Variants in SGCZ observed in about 807,000 individuals in gnomAD.
SGCZ encodes sarcoglycan zeta, also known as zeta-sarcoglycan.
In SGCZ, 40 loss-of-function variants were observed where a neutral mutation model predicts 41.3. The ratio of observed to expected loss-of-function variants is 0.97; its 90% confidence interval spans 0.75 to 1.26. The LOEUF (loss-of-function observed/expected upper bound fraction) is 1.26. SGCZ is among the 50% of genes most tolerant of loss of function. SGCZ has a pLI of 0.00. For missense variants in SGCZ, 552 were observed against 369.8 expected, an observed-to-expected ratio of 1.49 and a Z score of -4.04; for synonymous variants, 206 against 137.5, an observed-to-expected ratio of 1.50 and a Z score of -3.49.
At chr8:14,561,023 G>C (rs905728118) in intron 1 of SGCZ, among the ~76,000 whole-genome samples, 1 of 152,044 alleles carries the variant, frequency 6.6e-6, no homozygotes, top group Admixed American at 6.6e-5. Context: ...GAAAAGGTTA[G>C]ACTTTTCTTT....
chr8:14,618,555 G>C (rs1477674485), intron 1 of SGCZ, among the ~76,000 whole-genome samples: 1 of 152,158 alleles, frequency 6.6e-6, no homozygotes, highest in African/African-American at 2.4e-5. Flanking sequence ...AACAAGAGTG[G>C]AAATAGGTCA....
rs145149794 is a variant in SGCZ, at chr8:14,390,841, T to C, written c.235-66637A>G. 1.6e-3 allele frequency among the ~76,000 whole-genome samples: 247 copies of C among 152,136 alleles called. 2 individuals carry two copies. Among genetic ancestry groups the C allele is most frequent in the African/African-American group, 5.2e-3 (215 of 41,546 alleles). On this transcript the variant is annotated intron_variant, in intron 2 of 7. Coordinates refer to ENST00000382080, the MANE Select transcript of SGCZ (RefSeq NM_139167.4). ...ATTTTTCTAGAAGATTATAGAGATATTGATTAACTTTAAATATTTTAAAAG... is the reference window on the plus strand; with the variant it reads ...ATTTTTCTAGAAGATTATAGAGATACTGATTAACTTTAAATATTTTAAAAG...
At chr8:14,533,961 C>T (rs897702038) in intron 2 of SGCZ, among the ~76,000 whole-genome samples, 1 of 151,860 alleles carries the variant, frequency 6.6e-6, no homozygotes, top group African/African-American at 2.4e-5. Context: ...AGAAAGACAG[C>T]TGAGAAGTGA....
At chr8:14,624,015 G>T (rs867577459) in intron 1 of SGCZ, among the ~76,000 whole-genome samples, 1 of 152,172 alleles carries the variant, frequency 6.6e-6, no homozygotes, top group Non-Finnish European at 1.5e-5. Flanking sequence ...AAGTCCTAAC[G>T]TAGTTTCTAG....
At chr8:14,466,124 G>C (rs910394679) in intron 2 of SGCZ, among the ~76,000 whole-genome samples, 2 of 151,836 alleles carry the variant, frequency 1.3e-5, no homozygotes, top group African/African-American at 4.8e-5. Context: ...AGAATCCCTT[G>C]AGCATTTCCT....
chr8:14,184,032 A>C (rs1392473737), intron 4 of SGCZ, among the ~76,000 whole-genome samples: 1 of 152,192 alleles, frequency 6.6e-6, no homozygotes, highest in African/African-American at 2.4e-5. Context: ...TAGAAAACGA[A>C]AGGTAAATGA....
chr8:14,730,589 G>A (rs1208962204), intron 1 of SGCZ, among the ~76,000 whole-genome samples: 1 of 148,780 alleles, frequency 6.7e-6, no homozygotes, highest in African/African-American at 2.5e-5. Flanking sequence ...TTTAATATTT[G>A]ATCTGCTAAC....
At chr8:14,732,923 G>A (rs1288840553) in intron 1 of SGCZ, among the ~76,000 whole-genome samples, 2 of 78,822 alleles carry the variant, frequency 2.5e-5, no homozygotes, top group African/African-American at 8.2e-5. Context: ...CATTTTCAAA[G>A]TATTACCTAC....
intron 1 of SGCZ, among the ~76,000 whole-genome samples, chr8:14,755,978 A>G (rs1799653239): frequency 6.6e-6 from 1 of 152,190 alleles, no homozygotes; most frequent in East Asian, 1.9e-4. Flanking sequence ...TGTAGTTCAT[A>G]GGAAATTACC....
intron 2 of SGCZ, among the ~76,000 whole-genome samples, chr8:14,347,991 C>T (rs961098185): frequency 1.3e-5 from 2 of 152,080 alleles, no homozygotes; most frequent in Non-Finnish European, 2.9e-5. Flanking sequence ...CAGACATTCC[C>T]TTGCATCATG....
At chr8:14,947,544 GTCAGCATCAC>G (rs1435223374) in intron 1 of SGCZ, among the ~76,000 whole-genome samples, 2 of 152,144 alleles carry the variant, frequency 1.3e-5, no homozygotes, top group Admixed American at 1.3e-4. Context: ...GTTGAGGAGA[GTCAGCATCAC>G]TTTATAACTG....
chr8:14,178,109 CA>C (rs749765976), intron 4 of SGCZ, among the ~76,000 whole-genome samples: 25 of 151,756 alleles, frequency 1.6e-4, no homozygotes, highest in Admixed American at 2.6e-4. Flanking sequence ...AGGCATGAGC[CA>C]TCACCCCCGG....
chr8:15,062,977 T>C (rs1024998989), intron 1 of SGCZ, among the ~76,000 whole-genome samples: 2 of 152,092 alleles, frequency 1.3e-5, no homozygotes, highest in Non-Finnish European at 2.9e-5. Flanking sequence ...AGAATGTCAA[T>C]TGTGTTTAAA....
At chr8:14,537,207 C>T (rs1803322948) in intron 2 of SGCZ, among the ~76,000 whole-genome samples, 1 of 151,894 alleles carries the variant, frequency 6.6e-6, no homozygotes. Context: ...AGTCTACTGA[C>T]TCTCATTATA....
intron 3 of SGCZ, among the ~76,000 whole-genome samples, chr8:14,306,754 C>G (rs1801365249): frequency 6.6e-6 from 1 of 152,078 alleles, no homozygotes. Flanking sequence ...TTCTGTTGTC[C>G]TCCTCCCTGA....
intron 1 of SGCZ, among the ~76,000 whole-genome samples, chr8:15,181,563 T>A (rs776017481): frequency 8.5e-5 from 13 of 152,180 alleles, no homozygotes; most frequent in Non-Finnish European, 1.8e-4. Flanking sequence ...GTCAAGCAAA[T>A]AAGTGCTTGT....
chr8:15,188,285 C>T (rs1177662881), intron 1 of SGCZ, among the ~76,000 whole-genome samples: 1 of 152,050 alleles, frequency 6.6e-6, no homozygotes, highest in Admixed American at 6.5e-5. Context: ...TTTTGCAATC[C>T]TATGAGTTTA....
chr8:14,599,500 A>G (rs1316848302), intron 1 of SGCZ, among the ~76,000 whole-genome samples: 1 of 152,062 alleles, frequency 6.6e-6, no homozygotes, highest in East Asian at 1.9e-4. Context: ...TAATCTCTTT[A>G]TCTTTCTCTA....
At chr8:14,654,839 C>G (rs1807510759) in intron 1 of SGCZ, among the ~76,000 whole-genome samples, 1 of 151,390 alleles carries the variant, frequency 6.6e-6, no homozygotes, top group Non-Finnish European at 1.5e-5. Flanking sequence ...AGAACAATTT[C>G]TATTTTTAGT....
Sources: allele counts gnomAD v4.1 joint callset (sites outside exome capture counted in the v4.1 genomes callset), GRCh38; gene constraint gnomAD v4.1.1; transcripts MANE v1.5; gene names NCBI Gene and HGNC (gene_info 2026-07-23, HGNC 2026-07-21).